Variants in SLIT2 observed in about 807,000 individuals in gnomAD.
The protein encoded by SLIT2 is slit guidance ligand 2.
A neutral mutation model predicts 185.7 loss-of-function variants in SLIT2; 41 were observed. That is an observed-to-expected ratio of 0.22 (90% CI 0.17 to 0.29). The LOEUF (loss-of-function observed/expected upper bound fraction) is 0.29, where lower values mean the gene tolerates loss of function less well. SLIT2 is among the 10% of genes least tolerant of loss of function. The probability of loss-of-function intolerance (pLI) is 1.00; values close to 1 mark genes in which losing one functional copy is unlikely to be tolerated. For missense variants in SLIT2, 1,571 were observed against 1,909.0 expected, an observed-to-expected ratio of 0.82 and a Z score of 3.30; for synonymous variants, 693 against 680.2, an observed-to-expected ratio of 1.02 and a Z score of -0.29.
chr4:20,465,210 A>G (rs997927147), intron 4 of SLIT2, among the ~76,000 whole-genome samples: 66 of 152,314 alleles, frequency 4.3e-4, no homozygotes, highest in African/African-American at 1.4e-3. Flanking sequence ...ATATTTACCT[A>G]TGTTTTCCAC....
In SLIT2 at chr4:20,595,814, C is replaced by T; in HGVS notation, c.3300C>T (p.Cys1100=). ...HCTDAVNGYT[C]ICPEGYSGLF... is the part of the protein sequence containing the mutation. ...CAGATGCAGTGAACGGCTATACGTG[C>T]ATATGCCCCGAAGGTTACAGGTAAA... The change falls in exon 31 of 37, where the codon TGC becomes TGT. Residue 1100 remains cysteine, a synonymous_variant. Coordinates refer to ENST00000504154, the MANE Select transcript of SLIT2 (RefSeq NM_004787.4). 6.2e-7 allele frequency: 1 copy of T among 1,613,894 alleles called. No homozygotes were observed. The highest frequency in any genetic ancestry group is 1.1e-5 in the South Asian group (1 of 91,054).
chr4:20,455,394 C>T (rs1407965320), intron 4 of SLIT2, among the ~76,000 whole-genome samples: 1 of 152,026 alleles, frequency 6.6e-6, no homozygotes, highest in East Asian at 1.9e-4. Flanking sequence ...TCTTTGATAG[C>T]CATGCTCTAA....
intron 4 of SLIT2, among the ~76,000 whole-genome samples, chr4:20,415,410 CAAAAA>C (rs371123614): frequency 1.5e-5 from 1 of 65,476 alleles, no homozygotes; most frequent in Admixed American, 2.2e-4. Context: ...GACTCCGTCT[CAAAAA>C]AAAAAAAAAA....
chr4:20,271,672 A>G (rs937096874), intron 4 of SLIT2, among the ~76,000 whole-genome samples: 1 of 151,708 alleles, frequency 6.6e-6, no homozygotes, highest in African/African-American at 2.4e-5. Context: ...TTCATACTTA[A>G]CACTATGTTT....
At chr4:20,309,916 C>A (rs188967233) in intron 4 of SLIT2, among the ~76,000 whole-genome samples, 1 of 151,884 alleles carries the variant, frequency 6.6e-6, no homozygotes, top group Non-Finnish European at 1.5e-5. Flanking sequence ...CCCACCACCA[C>A]GCCTGGCTAA....
intron 5 of SLIT2, among the ~76,000 whole-genome samples, chr4:20,479,192 C>G (rs1396622373): frequency 6.6e-6 from 1 of 152,000 alleles, no homozygotes; most frequent in Non-Finnish European, 1.5e-5. Context: ...GATTGTGTCC[C>G]CTAGAGAACT....
chr4:20,568,231 G>T (rs546908444), intron 28 of SLIT2, among the ~76,000 whole-genome samples: 4 of 152,002 alleles, frequency 2.6e-5, no homozygotes, highest in African/African-American at 9.7e-5. Flanking sequence ...TCACTTTTTA[G>T]AAGAAATAGA....
At chr4:20,516,057 C>T (rs370414932) in intron 11 of SLIT2, among the ~76,000 whole-genome samples, 1 of 152,184 alleles carries the variant, frequency 6.6e-6, no homozygotes, top group African/African-American at 2.4e-5. Context: ...CCTGGTGATC[C>T]GGCCGCCTGG....
rs373554227 is a variant in SLIT2, at chr4:20,472,610, C to A, written c.467+4787C>A. On this transcript the variant is annotated intron_variant, in intron 5 of 36. Coordinates refer to ENST00000504154, the MANE Select transcript of SLIT2 (RefSeq NM_004787.4). ...TATAGATATATATCTATAGATATAT[C>A]TATATATATCGATATATCTATATAT... Among the ~76,000 whole-genome samples, 10 of 69,022 alleles carry A rather than the reference C, an allele frequency of 1.4e-4. 2 individuals carry two copies. Among genetic ancestry groups the A allele is most frequent in the South Asian group, 4.9e-4 (1 of 2,042 alleles). The allele number at this position is 69,022 out of a possible 152,430, so 45.3% of individuals were successfully genotyped here.
intron 4 of SLIT2, among the ~76,000 whole-genome samples, chr4:20,419,534 C>A (rs1049627727): frequency 6.6e-6 from 1 of 152,084 alleles, no homozygotes; most frequent in African/African-American, 2.4e-5. Flanking sequence ...GGACTCCAAC[C>A]TCAGATTTTC....
Position 20,283,120 on chromosome 4 carries a change from G to GCACACACA in SLIT2, c.395+14256_395+14263dup, listed in dbSNP as rs55949957. 5.4e-3 allele frequency among the ~76,000 whole-genome samples: 812 copies of GCACACACA among 149,954 alleles called. 4 individuals are homozygous for GCACACACA. Among genetic ancestry groups the GCACACACA allele is most frequent in the African/African-American group, 0.018 (743 of 41,132 alleles). On this transcript the variant is annotated intron_variant, in intron 4 of 36. Transcript: ENST00000504154. ...TGCCTGTGTGCCTGTGTGCGCGCGCGCACACACACACACACACACACACAA... is the reference window on the plus strand; with the variant it reads ...TGCCTGTGTGCCTGTGTGCGCGCGCGCACACACACACACACACACACACACACACACAA...
chr4:20,308,977 G>T (rs1337161933), intron 4 of SLIT2, among the ~76,000 whole-genome samples: 1 of 152,016 alleles, frequency 6.6e-6, no homozygotes, highest in Non-Finnish European at 1.5e-5. Flanking sequence ...GAGGTTTCGA[G>T]AATAAGTTTA....
intron 4 of SLIT2, among the ~76,000 whole-genome samples, chr4:20,414,302 G>C (rs1577608821): frequency 6.6e-6 from 1 of 152,056 alleles, no homozygotes; most frequent in African/African-American, 2.4e-5. Flanking sequence ...TGCTGTCATT[G>C]TTATACAGAT....
At position 20,570,595 on chromosome 4, in the gene SLIT2, G is replaced by T. The variant is rs571818687; in HGVS notation, c.3088+1591G>T. 1.7e-3 allele frequency among the ~76,000 whole-genome samples: 255 copies of T among 151,072 alleles called. 10 individuals carry two copies. Among genetic ancestry groups the T allele is most frequent in the Non-Finnish European group, 5.5e-4 (37 of 67,802 alleles). ...CATTTTCCTGATCATTATAGACAGG[G>T]CTTAAGAACCCAGTTAATTTTGGAG... On this transcript the variant is annotated intron_variant, in intron 29 of 36. Transcript: ENST00000504154.
intron 4 of SLIT2, among the ~76,000 whole-genome samples, chr4:20,279,681 G>A (rs909470501): frequency 3.3e-5 from 5 of 152,182 alleles, no homozygotes; most frequent in African/African-American, 1.2e-4. Context: ...TGGAAGTGAT[G>A]TGTGGAGTAA....
intron 8 of SLIT2, 69 bp from the exon 9 acceptor site, chr4:20,491,692 T>C: frequency 1.5e-6 from 2 of 1,359,220 alleles, no homozygotes; most frequent in South Asian, 2.6e-5. Flanking sequence ...TTACTTGAGC[T>C]AAGTTTGTCT....
chr4:20,446,408 C>T (rs558093616), intron 4 of SLIT2, among the ~76,000 whole-genome samples: 20 of 152,158 alleles, frequency 1.3e-4, no homozygotes, highest in South Asian at 2.1e-4. Flanking sequence ...ACTTTTTAAA[C>T]GACAGATGAT....
intron 5 of SLIT2, among the ~76,000 whole-genome samples, chr4:20,479,168 G>A (rs978254687): frequency 6.6e-6 from 1 of 152,098 alleles, no homozygotes; most frequent in African/African-American, 2.4e-5. Flanking sequence ...TGACATCAAG[G>A]TAGCCTTGTG....
chr4:20,558,687 CT>C (rs935402014), intron 26 of SLIT2, among the ~76,000 whole-genome samples: 1 of 151,830 alleles, frequency 6.6e-6, no homozygotes, highest in African/African-American at 2.4e-5. Context: ...CTAACTTGAG[CT>C]TTTTTTACAT....
Sources: gnomAD v4.1 joint callset for allele counts (sites outside exome capture counted in the v4.1 genomes callset) on GRCh38, gnomAD v4.1.1 for gene constraint, MANE v1.5 for transcripts, NCBI Gene and HGNC (gene_info 2026-07-23, HGNC 2026-07-21) for gene names.